PACRGL: variants seen among roughly 807,000 people sequenced by gnomAD.
PACRGL encodes the protein parkin coregulated like.
PACRGL carries 38 observed loss-of-function variants against 34.5 expected under a neutral mutation model. That is an observed-to-expected ratio of 1.10 (90% CI 0.85 to 1.44). The LOEUF (loss-of-function observed/expected upper bound fraction) is 1.44, where lower values mean the gene tolerates loss of function less well. Ranked by LOEUF, PACRGL falls within the 40% of genes most tolerant of loss-of-function variation. The pLI is 0.00. For synonymous variants in PACRGL, 128 were observed against 100.1 expected (o/e 1.28, Z -1.66); for missense variants, 305 against 281.4 (o/e 1.08, Z -0.60).
chr4:20,756,000 G>T (rs1266063069), downstream of PACRGL, among the ~76,000 whole-genome samples: 11 of 152,108 alleles, frequency 7.2e-5, no homozygotes, highest in Non-Finnish European at 1.5e-4. Flanking sequence ...GAATGGTATG[G>T]TTTCGAACAG....
chr4:20,722,957 A>T (rs539401431), intron 7 of PACRGL, among the ~76,000 whole-genome samples: 1 of 152,250 alleles, frequency 6.6e-6, no homozygotes, highest in South Asian at 2.1e-4. Flanking sequence ...CATATGAGAG[A>T]TCCTAGAACT....
rs1733662518 is a variant in PACRGL, at chr4:20,704,510, C to T, written c.29C>T (p.Thr10Ile). ...CAGAAATCAGAGGGCTCTGGAGGTA[C>T]ACAGTTGAAAAACAGAGCAACAGGT... MQKSEGSGG[T>I]QLKNRATGNY... Residue 10 changes from threonine (T) to isoleucine (I), a missense_variant, in exon 2 of 9, where the codon ACA (threonine) becomes ATA (isoleucine). Thr to Ile is a moderately conservative substitution (Grantham distance 89). Transcript: ENST00000503585. 2 of 1,613,778 alleles carry T rather than the reference C, an allele frequency of 1.2e-6. No homozygotes were observed. Among genetic ancestry groups the T allele is most frequent in the Non-Finnish European group, 1.7e-6 (2 of 1,179,918 alleles).
At position 20,729,871 on chromosome 4, in the gene PACRGL, T is replaced by G. The variant is rs1019208304; in HGVS notation, c.*2530T>G. On this transcript the variant is annotated 3_prime_UTR_variant, in exon 9 of 9. Coordinates refer to ENST00000503585, the MANE Select transcript of PACRGL (RefSeq NM_001258345.3). ...ACAGAGTATGAAATGAGTTAGACCA[T>G]CCCCTGAACTCAGTGGCATTATGAA... The G allele has an allele frequency of 2.2e-6, 1 of 448,046 alleles. No homozygotes were observed. The highest frequency in any genetic ancestry group is 5.8e-5 in the South Asian group (1 of 17,222). 27.8% of individuals were successfully genotyped at this position (448,046 alleles called of 1,614,324 possible). A position where few individuals can be genotyped will look rare whatever the true frequency, so the allele number is the denominator to read the frequency against.
chr4:20,710,126 A>G (rs761965767), intron 5 of PACRGL, among the ~76,000 whole-genome samples: 16 of 152,206 alleles, frequency 1.1e-4, no homozygotes, highest in Non-Finnish European at 1.8e-4. Context: ...ACTGTCAGAT[A>G]GTGGTAAGTG....
intron 8 of PACRGL, among the ~76,000 whole-genome samples, chr4:20,740,878 C>T (rs1055553860): frequency 6.6e-6 from 1 of 152,020 alleles, no homozygotes; most frequent in Admixed American, 6.6e-5. Flanking sequence ...GGAGGAAGAT[C>T]TACCAAGCAA....
At chr4:20,722,237 G>T (rs1743649258) in intron 7 of PACRGL, among the ~76,000 whole-genome samples, 1 of 152,232 alleles carries the variant, frequency 6.6e-6, no homozygotes, top group South Asian at 2.1e-4. Flanking sequence ...GCTTTGCTTG[G>T]CTAGGAAAGG....
At chr4:20,700,923 G>C (rs1045442742) in intron 1 of PACRGL, 136 bp downstream of exon 1, 1 of 152,076 alleles carries the variant, frequency 6.6e-6, no homozygotes, top group Admixed American at 6.6e-5. Flanking sequence ...AGTGTAGGAG[G>C]GGTGGCTGGG....
At chr4:20,722,657 A>G (rs922295346) in intron 7 of PACRGL, among the ~76,000 whole-genome samples, 1 of 152,116 alleles carries the variant, frequency 6.6e-6, no homozygotes, top group Non-Finnish European at 1.5e-5. Context: ...TCGAGCTAAT[A>G]CCCTGTGAAC....
intron 7 of PACRGL, among the ~76,000 whole-genome samples, chr4:20,717,373 A>G (rs913725758): frequency 8.5e-5 from 13 of 152,236 alleles, no homozygotes; most frequent in African/African-American, 2.2e-4. Flanking sequence ...TTTTGTTGCC[A>G]TTGCTTTTTG....
intron 3 of PACRGL, among the ~76,000 whole-genome samples, chr4:20,707,028 C>T (rs1227766702): frequency 6.6e-6 from 1 of 152,082 alleles, no homozygotes; most frequent in African/African-American, 2.4e-5. Context: ...AAAAAATTAT[C>T]TAGTTATATC....
the PACRGL span, among the ~76,000 whole-genome samples, chr4:20,764,214 C>A: frequency 6.6e-6 from 1 of 152,068 alleles, no homozygotes; most frequent in African/African-American, 2.4e-5. Context: ...AAATGAAAAT[C>A]ACCCATAATC....
intron 7 of PACRGL, among the ~76,000 whole-genome samples, chr4:20,716,906 C>G (rs1019166363): frequency 1.3e-5 from 2 of 152,196 alleles, no homozygotes; most frequent in Non-Finnish European, 2.9e-5. Flanking sequence ...GAGGAATCGC[C>G]ACACTGTCTT....
At chr4:20,709,484 G>C (rs1439677416) in intron 4 of PACRGL, among the ~76,000 whole-genome samples, 199 bp from the exon 5 acceptor site, 7 of 152,072 alleles carry the variant, frequency 4.6e-5, no homozygotes, top group Non-Finnish European at 8.8e-5. Context: ...AACACATGTG[G>C]GTCACTTTTG....
At chr4:20,750,410 CA>C (rs371829351) in intron 8 of PACRGL, among the ~76,000 whole-genome samples, 8 of 152,126 alleles carry the variant, frequency 5.3e-5, no homozygotes, top group African/African-American at 1.9e-4. Flanking sequence ...GGTGGTCCTA[CA>C]TGTTCCTAGT....
chr4:20,721,023 TC>T (rs1252979051), intron 7 of PACRGL, among the ~76,000 whole-genome samples: 1 of 152,164 alleles, frequency 6.6e-6, no homozygotes, highest in Non-Finnish European at 1.5e-5. Context: ...TTTGTTCCTT[TC>T]TTTTTACTCT....
At chr4:20,737,470 A>G (rs1040946778), downstream of PACRGL, among the ~76,000 whole-genome samples, 7 of 152,166 alleles carry the variant, frequency 4.6e-5, no homozygotes, top group African/African-American at 1.7e-4. Flanking sequence ...GCTCTTGAGA[A>G]GGTGGGGAGG....
chr4:20,709,280 G>A (rs1012852358), intron 4 of PACRGL, among the ~76,000 whole-genome samples: 1 of 152,184 alleles, frequency 6.6e-6, no homozygotes, highest in Non-Finnish European at 1.5e-5. Context: ...CAGGTTATTA[G>A]TGTTAGGGTT....
chr4:20,743,571 A>G (rs566476704), intron 8 of PACRGL, among the ~76,000 whole-genome samples: 57 of 152,346 alleles, frequency 3.7e-4, no homozygotes, highest in Non-Finnish European at 7.2e-4. Flanking sequence ...AGCCATATGT[A>G]GAAAGCTGAA....
At position 20,731,713 on chromosome 4, in the gene PACRGL, T is replaced by C; in HGVS notation, c.*4372T>C. The C allele has an allele frequency of 2.0e-6, 2 of 984,976 alleles. No homozygotes were observed. The highest frequency in any genetic ancestry group is 9.4e-5 in the South Asian group (2 of 21,280). The allele number at this position is 984,976 out of a possible 1,614,324, so 61.0% of individuals were successfully genotyped here. A position where few individuals can be genotyped will look rare whatever the true frequency, so the allele number is the denominator to read the frequency against. On this transcript the variant is annotated 3_prime_UTR_variant, in exon 9 of 9. Coordinates refer to ENST00000503585, the MANE Select transcript of PACRGL (RefSeq NM_001258345.3). The stretch of plus-strand genomic sequence containing the variant: ...GGCAAAGAGCAATTCAAATCTCATG[T>C]ATGTTTTATCCTCCATGAATACTCT...
Sources: allele counts gnomAD v4.1 joint callset (sites outside exome capture counted in the v4.1 genomes callset), GRCh38; gene constraint gnomAD v4.1.1; transcripts MANE v1.5; gene names NCBI Gene and HGNC (gene_info 2026-07-23, HGNC 2026-07-21).